Variants in EFCAB6 observed in about 807,000 individuals in gnomAD.
EFCAB6 encodes the protein EF-hand calcium-binding domain-containing protein 6.
A neutral mutation model predicts 169.8 loss-of-function variants in EFCAB6; 156 were observed. The ratio of observed to expected loss-of-function variants is 0.92; its 90% CI spans 0.81 to 1.05. The LOEUF is 1.05. Ranked by LOEUF, EFCAB6 falls within the 50% of genes least tolerant of loss-of-function variation. EFCAB6 has a pLI of 0.00. For missense variants in EFCAB6, 1,800 were observed against 1,829.1 expected (o/e 0.98, Z 0.29); for synonymous variants, 698 against 676.4 (o/e 1.03, Z -0.50).
rs1569257564 is a variant in EFCAB6, at chr22:43,618,223, A to AAAGAAAGG, written c.2466-2302_2466-2301insCCTTTCTT. On this transcript the variant is annotated intron_variant, in intron 20 of 31. Transcript: ENST00000262726. ...GAAAGAAAGAAAGAAAGAAAGAAAGAGAAAGAAAGAAAGAGAGAGAAAGAG... is the reference window on the plus strand; with the variant it reads ...GAAAGAAAGAAAGAAAGAAAGAAAGAAAGAAAGGGAAAGAAAGAAAGAGAGAGAAAGAG... Among the ~76,000 whole-genome samples the AAAGAAAGG allele has an allele frequency of 1.6e-4, 16 of 97,954 alleles. No homozygotes were observed. The East Asian group carries it at 4.7e-3, about 29-fold the overall frequency. The allele number at this position is 97,954 out of a possible 152,430, so 64.3% of individuals were successfully genotyped here.
chr22:43,719,888 A>C (rs1157483640), intron 8 of EFCAB6, among the ~76,000 whole-genome samples: 2 of 152,162 alleles, frequency 1.3e-5, no homozygotes. Context: ...GAGTCTGAAA[A>C]CTCAGAACTC....
chr22:43,636,613 T>C (rs939904322), intron 17 of EFCAB6, among the ~76,000 whole-genome samples: 17 of 148,014 alleles, frequency 1.1e-4, no homozygotes, highest in Admixed American at 2.0e-4. Flanking sequence ...TCTTTTCTTT[T>C]TTTTTTTTTT....
rs149163129 is a variant in EFCAB6 at position 43,534,592 on chromosome 22, G to A, written c.4233+96C>T. On this transcript the variant is annotated intron_variant, in intron 30 of 31. Transcript: ENST00000262726. Reference sequence around the variant, plus strand: ...GTGAACCGTGAACCACTGTTCTCCAGTCTGGGCAATAGAGTAAGACCCTGT... The same window carrying A: ...GTGAACCGTGAACCACTGTTCTCCAATCTGGGCAATAGAGTAAGACCCTGT... 8,650 of 1,179,864 alleles carry A rather than the reference G, an allele frequency of 7.3e-3. 64 individuals are homozygous for A. The highest frequency in any genetic ancestry group is 7.4e-3 in the Non-Finnish European group (6,411 of 872,066). The allele number at this position is 1,179,864 out of a possible 1,614,324, so 73.1% of individuals were successfully genotyped here. A position where few individuals can be genotyped will look rare whatever the true frequency, so the allele number is the denominator to read the frequency against.
At position 43,535,094 on chromosome 22, in the gene EFCAB6, C is replaced by T. The variant is rs74791026; in HGVS notation, c.4049-222G>A. The T allele has an allele frequency of 4.4e-3, 2,356 of 540,478 alleles. 55 individuals carry two copies. Among genetic ancestry groups the T allele is most frequent in the African/African-American group, 0.041 (2,123 of 51,890 alleles). The allele number at this position is 540,478 out of a possible 1,614,324, so 33.5% of individuals were successfully genotyped here. On this transcript the variant is annotated intron_variant, in intron 29 of 31. Coordinates refer to ENST00000262726, the MANE Select transcript of EFCAB6 (RefSeq NM_022785.4). ...CCTGAGTCCCGCTGGCCCACACTGT[C>T]CTGGGTTTGCATGGTCACAGCTTAT...
intron 4 of EFCAB6, among the ~76,000 whole-genome samples, chr22:43,768,159 C>A (rs1172395922): frequency 6.6e-6 from 1 of 152,162 alleles, no homozygotes; most frequent in East Asian, 1.9e-4. Context: ...TATTCAGGGA[C>A]TGAGGCCACA....
intron 10 of EFCAB6, among the ~76,000 whole-genome samples, chr22:43,709,676 CTTTTAAT>C (rs902385774): frequency 2.0e-5 from 3 of 152,124 alleles, no homozygotes; most frequent in African/African-American, 7.2e-5. Flanking sequence ...TGACTATCTG[CTTTTAAT>C]TTTTATTATT....
At chr22:43,669,909 T>C (rs1476987822) in intron 15 of EFCAB6, among the ~76,000 whole-genome samples, 1 of 152,234 alleles carries the variant, frequency 6.6e-6, no homozygotes, top group Admixed American at 6.5e-5. Context: ...CTTTTATGCA[T>C]GTAGAGTCGA....
chr22:43,684,571 ACAGT>A (rs1322460058), intron 11 of EFCAB6, among the ~76,000 whole-genome samples: 7 of 152,216 alleles, frequency 4.6e-5, no homozygotes, highest in Non-Finnish European at 1.0e-4. Flanking sequence ...ACAATGAATG[ACAGT>A]CAGTTTACCT....
chr22:43,773,115 A>C lies in EFCAB6; in HGVS notation c.140-12T>G, dbSNP rs369495982. ...TGCAACAGCTGTGGCTATAAAAGAG[A>C]TACAGCTATTTATTAAACATGTTTA... On this transcript the variant is annotated splice_polypyrimidine_tract_variant and intron_variant, in intron 3 of 31. Coordinates refer to ENST00000262726, the MANE Select transcript of EFCAB6 (RefSeq NM_022785.4). The C allele has an allele frequency of 1.0e-4, 163 of 1,612,862 alleles. 1 individual carries two copies. Among genetic ancestry groups the C allele is most frequent in the African/African-American group, 3.7e-4 (28 of 75,008 alleles).
intron 5 of EFCAB6, among the ~76,000 whole-genome samples, chr22:43,761,392 C>T (rs997616745): frequency 2.0e-5 from 3 of 152,014 alleles, no homozygotes; most frequent in Non-Finnish European, 2.9e-5. Context: ...CCTAATTTTC[C>T]GTACTGCATT....
intron 22 of EFCAB6, among the ~76,000 whole-genome samples, chr22:43,603,584 T>G (rs1307061396): frequency 1.3e-5 from 2 of 152,280 alleles, no homozygotes; most frequent in African/African-American, 4.8e-5. Flanking sequence ...AAGAATGTCT[T>G]AGTCCTTTCC....
At position 43,635,162 on chromosome 22, in the gene EFCAB6, T is replaced by C. The variant is rs137731; in HGVS notation, c.2038A>G (p.Thr680Ala). ...MDDDQYALLT[T>A]KIGFEKEGMS... ...CCTTCCTTCTCGAAGCCTATTTTAGTGGTCAGCAGGGCATACTGATCATCG... is the reference window on the plus strand; with the variant it reads ...CCTTCCTTCTCGAAGCCTATTTTAGCGGTCAGCAGGGCATACTGATCATCG... Residue 680 changes from threonine (T) to alanine (A), a missense_variant, in exon 18 of 32, where the codon ACT becomes GCT. By Grantham distance (58) the Thr-to-Ala change is moderately conservative. Transcript: ENST00000262726. 0.036 allele frequency: 57,462 copies of C among 1,614,008 alleles called. 1,245 individuals carry two copies. Among genetic ancestry groups the C allele is most frequent in the Non-Finnish European group, 0.04 (46,906 of 1,179,940 alleles).
intron 11 of EFCAB6, among the ~76,000 whole-genome samples, chr22:43,685,564 C>T (rs575086887): frequency 4.6e-5 from 7 of 152,274 alleles, no homozygotes; most frequent in Admixed American, 2.0e-4. Context: ...TATGAAGAGA[C>T]GTCATTTTTG....
intron 20 of EFCAB6, among the ~76,000 whole-genome samples, chr22:43,625,880 A>C (rs2054478957): frequency 6.6e-6 from 1 of 152,258 alleles, no homozygotes; most frequent in Non-Finnish European, 1.5e-5. Flanking sequence ...ATTTATCTGC[A>C]CAGAGTTGGT....
At chr22:43,677,791 T>G (rs1310093723) in intron 13 of EFCAB6, among the ~76,000 whole-genome samples, 1 of 151,990 alleles carries the variant, frequency 6.6e-6, no homozygotes, top group Non-Finnish European at 1.5e-5. Flanking sequence ...TTCAGAAACG[T>G]CAATTACCAT....
At position 43,687,464 on chromosome 22, in the gene EFCAB6, T is replaced by TTAA; in HGVS notation, c.1142+6_1142+7insTTA. 2.8e-6 allele frequency: 4 copies of TTAA among 1,422,206 alleles called. No individual in the cohort carries two copies. The highest frequency in any genetic ancestry group is 1.4e-5 in the South Asian group (1 of 73,494). The allele number at this position is 1,422,206 out of a possible 1,614,324, so 88.1% of individuals were successfully genotyped here. ...TAAAATTTGTTTTTTTTTTTTTTTT[T>TTAA]ACATACCTATTTCTTTTTGTCAGGG... On this transcript the variant is annotated splice_region_variant and intron_variant, in intron 11 of 31. Transcript: ENST00000262726.
chr22:43,545,551 A>T (rs1222292829), intron 27 of EFCAB6, among the ~76,000 whole-genome samples: 1 of 152,242 alleles, frequency 6.6e-6, no homozygotes, highest in Non-Finnish European at 1.5e-5. Flanking sequence ...GCAAAAGCTA[A>T]TCCTGGGAGG....
chr22:43,531,027 C>G (rs1354119753), intron 30 of EFCAB6, 63 bp from the exon 31 acceptor site: 4 of 1,599,360 alleles, frequency 2.5e-6, no homozygotes, highest in Non-Finnish European at 3.4e-6. Context: ...GGGTGGGCTC[C>G]TCCTCGCCTC....
chr22:43,724,367 CTTTTT>C (rs58226287), intron 8 of EFCAB6, among the ~76,000 whole-genome samples: 2 of 107,900 alleles, frequency 1.9e-5, no homozygotes, highest in Non-Finnish European at 1.9e-5. Flanking sequence ...TTTCTTTTTT[CTTTTT>C]TTTTTTTTTT....
Sources: allele counts gnomAD v4.1 joint callset (sites outside exome capture counted in the v4.1 genomes callset), GRCh38; gene constraint gnomAD v4.1.1; transcripts MANE v1.5; gene names NCBI Gene and HGNC (gene_info 2026-07-23, HGNC 2026-07-21).